TPRG1: variants seen among roughly 807,000 people sequenced by gnomAD.
TPRG1 encodes tumor protein p63-regulated gene 1 protein.
In TPRG1, 29 loss-of-function variants were observed where a neutral mutation model predicts 29.3. The ratio of observed to expected loss-of-function variants is 0.99; its 90% CI spans 0.74 to 1.35. TPRG1 has a LOEUF of 1.35. Among genes scored for constraint, TPRG1 ranks in the 40% most tolerant of loss-of-function variants. TPRG1 has a pLI of 0.00. For synonymous variants in TPRG1, 130 were observed against 116.8 expected (o/e 1.11, Z -0.73); for missense variants, 327 against 335.0 (o/e 0.98, Z 0.19).
chr3:189,077,407 ATAGT>A (rs554231790), intron 4 of TPRG1, among the ~76,000 whole-genome samples: 189 of 152,170 alleles, frequency 1.2e-3, no homozygotes, highest in Middle Eastern at 3.4e-3. Flanking sequence ...TAGGCAACTA[ATAGT>A]TAGTTAGTTT....
chr3:189,182,676 A>G (rs989262054), intron 1 of TPRG1, among the ~76,000 whole-genome samples: 1 of 152,196 alleles, frequency 6.6e-6, no homozygotes, highest in Non-Finnish European at 1.5e-5. Flanking sequence ...CCCTCAGTGC[A>G]TAGTCATTAT....
intron 3 of TPRG1, among the ~76,000 whole-genome samples, chr3:189,142,976 A>G (rs1227591394): frequency 6.6e-6 from 1 of 152,226 alleles, no homozygotes; most frequent in African/African-American, 2.4e-5. Context: ...TTAGAACTCC[A>G]TAGATTTAAG....
At chr3:189,237,475 G>A (rs1739707466) in intron 3 of TPRG1, among the ~76,000 whole-genome samples, 1 of 152,154 alleles carries the variant, frequency 6.6e-6, no homozygotes, top group Admixed American at 6.5e-5. Flanking sequence ...GATAAATGCT[G>A]CAAAGAGGAA....
At chr3:189,082,636 C>T (rs1223917681) in intron 4 of TPRG1, among the ~76,000 whole-genome samples, 1 of 152,100 alleles carries the variant, frequency 6.6e-6, no homozygotes, top group Non-Finnish European at 1.5e-5. Context: ...CTCAGGTGTC[C>T]TGCCACTCAC....
chr3:189,195,055 C>G (rs1418149225), intron 1 of TPRG1, among the ~76,000 whole-genome samples: 2 of 152,086 alleles, frequency 1.3e-5, no homozygotes, highest in East Asian at 3.9e-4. Flanking sequence ...TAAGCCCAAC[C>G]CTGAGATGCA....
chr3:189,250,308 T>G (rs939919743), intron 4 of TPRG1, among the ~76,000 whole-genome samples: 1 of 152,152 alleles, frequency 6.6e-6, no homozygotes, highest in African/African-American at 2.4e-5. Context: ...AACATCCATA[T>G]TAAAGTACTG....
chr3:189,133,354 TAG>T (rs1302777767), intron 3 of TPRG1, among the ~76,000 whole-genome samples: 2 of 152,152 alleles, frequency 1.3e-5, no homozygotes, highest in African/African-American at 4.8e-5. Context: ...CAAGATCAGT[TAG>T]AAGCCTCTTG....
At chr3:189,251,063 C>A (rs1742169950) in intron 4 of TPRG1, among the ~76,000 whole-genome samples, 1 of 151,998 alleles carries the variant, frequency 6.6e-6, no homozygotes, top group South Asian at 2.1e-4. Context: ...CTCTTCCCCT[C>A]TTCTCTTCCC....
chr3:189,060,572 G>A (rs1414765041), intron 4 of TPRG1, among the ~76,000 whole-genome samples: 3 of 152,132 alleles, frequency 2.0e-5, no homozygotes, highest in Admixed American at 6.5e-5. Flanking sequence ...AGCTCCTTAA[G>A]CTGATAAATA....
intron 1 of TPRG1, among the ~76,000 whole-genome samples, chr3:189,100,445 G>A (rs866715100): frequency 6.6e-6 from 1 of 152,042 alleles, no homozygotes; most frequent in Non-Finnish European, 1.5e-5. Flanking sequence ...CATGGGTCTC[G>A]GCTCTCTCTC....
chr3:189,093,828 A>G (rs1718497127), intron 4 of TPRG1, among the ~76,000 whole-genome samples: 1 of 152,160 alleles, frequency 6.6e-6, no homozygotes, highest in Non-Finnish European at 1.5e-5. Flanking sequence ...GATGTTCTGT[A>G]CTTATAAAAT....
Position 189,105,528 on chromosome 3 carries a change from T to C in TPRG1, c.-744+5324T>C, listed in dbSNP as rs190052011. Among the ~76,000 whole-genome samples, 41 of 152,244 alleles carry C rather than the reference T, an allele frequency of 2.7e-4. No homozygotes were observed. In the East Asian group the frequency reaches 7.3e-3, roughly 27 times the overall value. On this transcript the variant is annotated intron_variant, in intron 1 of 6. Transcript: ENST00000412373. ...ATCCATTAGAGAGAATCTAAGTTCC[T>C]CTTCTACATATGAGTTTGAGTAGGT...
At chr3:189,201,797 C>T (rs188006583) in intron 1 of TPRG1, among the ~76,000 whole-genome samples, 1 of 151,988 alleles carries the variant, frequency 6.6e-6, no homozygotes, top group Admixed American at 6.5e-5. Flanking sequence ...TTTACAGGGG[C>T]CTGCCACCAC....
chr3:189,275,870 G>A (rs2109107610), intron 4 of TPRG1, among the ~76,000 whole-genome samples: 1 of 152,152 alleles, frequency 6.6e-6, no homozygotes, highest in South Asian at 2.1e-4. Context: ...AAACTGTTGA[G>A]GATTCAAAGA....
chr3:189,149,841 T>A (rs781779651), intron 4 of TPRG1, among the ~76,000 whole-genome samples: 19 of 152,168 alleles, frequency 1.2e-4, no homozygotes, highest in Admixed American at 3.3e-4. Flanking sequence ...CCCCATCTTT[T>A]CTTGGAGGCC....
chr3:189,031,681 T>C (rs1553893660), intron 4 of TPRG1, among the ~76,000 whole-genome samples: 1 of 152,220 alleles, frequency 6.6e-6, no homozygotes, highest in Non-Finnish European at 1.5e-5. Context: ...TATAGGACAG[T>C]GTTCTTTAAT....
chr3:189,061,884 C>T (rs1289364654), intron 4 of TPRG1, among the ~76,000 whole-genome samples: 1 of 151,756 alleles, frequency 6.6e-6, no homozygotes, highest in Admixed American at 6.6e-5. Flanking sequence ...GGGGCAATTC[C>T]ACAAAGAATT....
intron 4 of TPRG1, among the ~76,000 whole-genome samples, chr3:189,046,948 C>T (rs1336947887): frequency 6.6e-6 from 1 of 152,150 alleles, no homozygotes; most frequent in Non-Finnish European, 1.5e-5. Context: ...ACAATGAGTT[C>T]TCACTGAACG....
At chr3:189,100,279 T>C (rs530298123) in intron 1 of TPRG1, 1 of 152,376 alleles carries the variant, frequency 6.6e-6, no homozygotes, top group East Asian at 1.9e-4. Flanking sequence ...TTTCCCTCCT[T>C]CTCTCCTGAA....
Sources: allele counts gnomAD v4.1 joint callset (sites outside exome capture counted in the v4.1 genomes callset), GRCh38; gene constraint gnomAD v4.1.1; transcripts MANE v1.5; gene names NCBI Gene and HGNC (gene_info 2026-07-23, HGNC 2026-07-21).